RNF214: variants seen among roughly 807,000 people sequenced by gnomAD.
The protein encoded by RNF214 is ring finger protein 214.
In RNF214, 25 loss-of-function variants were observed where a neutral mutation model predicts 75.9. The observed-to-expected ratio is 0.33, with a 90% CI of 0.24 to 0.46. RNF214 has a LOEUF of 0.46. Ranked by LOEUF, RNF214 falls within the 20% of genes least tolerant of loss-of-function variation. The probability of loss-of-function intolerance (pLI) is 1.00; values close to 1 mark genes in which losing one functional copy is unlikely to be tolerated. For synonymous variants in RNF214, 314 were observed against 308.8 expected, an observed-to-expected ratio of 1.02 and a Z score of -0.18; for missense variants, 725 against 857.5, an observed-to-expected ratio of 0.85 and a Z score of 1.93.
intron 6 of RNF214, among the ~76,000 whole-genome samples, chr11:117,261,341 A>G (rs1388450782): frequency 6.6e-6 from 1 of 152,098 alleles, no homozygotes; most frequent in East Asian, 1.9e-4. Flanking sequence ...GCACTTTGGG[A>G]GGCCGAGGCG....
At chr11:117,269,035 T>G (rs1366075995) in intron 6 of RNF214, among the ~76,000 whole-genome samples, 1 of 152,190 alleles carries the variant, frequency 6.6e-6, no homozygotes, top group African/African-American at 2.4e-5. Flanking sequence ...AAAGTCCAGA[T>G]GCTTATATAC....
intron 5 of RNF214, among the ~76,000 whole-genome samples, chr11:117,246,192 C>T (rs1034645707): frequency 2.6e-5 from 4 of 151,634 alleles, no homozygotes; most frequent in African/African-American, 9.7e-5. Flanking sequence ...CTCGAACTCC[C>T]GGACACAGTG....
intron 14 of RNF214, among the ~76,000 whole-genome samples, chr11:117,284,356 A>C (rs1027611901): frequency 3.3e-5 from 5 of 152,228 alleles, no homozygotes; most frequent in Non-Finnish European, 7.3e-5. Context: ...CCCTCTTAAC[A>C]ACATTTTGTT....
Position 117,243,968 on chromosome 11 carries a change from C to T in RNF214, c.679-477C>T, listed in dbSNP as rs560126357. On this transcript the variant is annotated intron_variant, in intron 4 of 14. Transcript: ENST00000300650. Reference sequence around the variant, plus strand: ...TCCATCAGTTTTCAGTGTTGTTAACCAGTAAGGAATCATGTTCCCGGACGC... The same window carrying T: ...TCCATCAGTTTTCAGTGTTGTTAACTAGTAAGGAATCATGTTCCCGGACGC... 1.3e-4 allele frequency among the ~76,000 whole-genome samples: 20 copies of T among 152,252 alleles called. No individual in the cohort carries two copies. The South Asian group carries it at 3.9e-3, about 30-fold the overall frequency.
intron 4 of RNF214, 133 bp from the exon 5 acceptor site, chr11:117,244,312 A>G: frequency 1.5e-6 from 1 of 648,328 alleles, no homozygotes; most frequent in Non-Finnish European, 2.6e-6. Context: ...ATATAGCCAC[A>G]TATGGCTAGT....
chr11:117,247,220 C>T (rs973762213), intron 6 of RNF214, among the ~76,000 whole-genome samples: 2 of 152,040 alleles, frequency 1.3e-5, no homozygotes, highest in African/African-American at 4.8e-5. Context: ...CTGGACGTAG[C>T]GGCTCACACC....
chr11:117,280,119 C>A, intron 7 of RNF214, 52 bp from the exon 8 acceptor site: 4 of 1,521,250 alleles, frequency 2.6e-6, no homozygotes, highest in Middle Eastern at 1.7e-4. Context: ...CCTAGAGGTA[C>A]CTTTGTGTAT....
intron 6 of RNF214, among the ~76,000 whole-genome samples, chr11:117,261,396 A>G (rs948135898): frequency 2.0e-5 from 3 of 152,106 alleles, no homozygotes; most frequent in African/African-American, 7.2e-5. Flanking sequence ...CCTGGCCAAC[A>G]TGGTGAAATC....
At chr11:117,281,832 C>T in intron 10 of RNF214, 62 bp from the exon 11 acceptor site, 1 of 1,574,322 alleles carries the variant, frequency 6.4e-7, no homozygotes, top group South Asian at 1.2e-5. Flanking sequence ...ATGTCTTCTC[C>T]AGTTTCCTAA....
At chr11:117,243,511 T>TA (rs1444753696) in intron 4 of RNF214, among the ~76,000 whole-genome samples, 1 of 152,258 alleles carries the variant, frequency 6.6e-6, no homozygotes, top group Non-Finnish European at 1.5e-5. Context: ...AAATTTTTTT[T>TA]CTTTGAAAAT....
chr11:117,249,475 G>A, intron 6 of RNF214, among the ~76,000 whole-genome samples: 1 of 152,142 alleles, frequency 6.6e-6, no homozygotes, highest in Non-Finnish European at 1.5e-5. Flanking sequence ...CCGGAAGCAG[G>A]GGGAATGTCT....
chr11:117,257,643 G>T (rs2033555641), intron 6 of RNF214, among the ~76,000 whole-genome samples: 1 of 152,062 alleles, frequency 6.6e-6, no homozygotes, highest in Non-Finnish European at 1.5e-5. Flanking sequence ...AATAGAGAAG[G>T]GCTTAGTACT....
At position 117,279,974 on chromosome 11, in the gene RNF214, G is replaced by A. The variant is rs2034094500; in HGVS notation, c.1026G>A (p.Met342Ile). Residue 342 changes from methionine (M) to isoleucine (I), a missense_variant, in exon 7 of 15, where the codon ATG becomes ATA. By Grantham distance (10) the Met-to-Ile change is conservative. Transcript: ENST00000300650. ...NQDGEINRNI[M>I]EETERAWKAE... ...ATGGCGAAATAAATAGGAACATTATGGAAGAGACTGAACGGGCCTGGAAGG... is the reference window on the plus strand; with the variant it reads ...ATGGCGAAATAAATAGGAACATTATAGAAGAGACTGAACGGGCCTGGAAGG... 1.2e-6 allele frequency: 2 copies of A among 1,613,462 alleles called. No homozygotes were observed. The highest frequency in any genetic ancestry group is 1.1e-5 in the South Asian group (1 of 90,788).
chr11:117,267,415 A>G (rs1333074559), intron 6 of RNF214, among the ~76,000 whole-genome samples: 1 of 152,116 alleles, frequency 6.6e-6, no homozygotes, highest in Non-Finnish European at 1.5e-5. Context: ...AGTAAGGGTC[A>G]GGGTTCATTT....
chr11:117,246,333 G>A (rs1412088413), intron 5 of RNF214, among the ~76,000 whole-genome samples: 1 of 151,712 alleles, frequency 6.6e-6, no homozygotes, highest in African/African-American at 2.4e-5. Flanking sequence ...GTGTATATGT[G>A]TGTGTGTATA....
intron 13 of RNF214, 80 bp from the exon 14 acceptor site, chr11:117,283,035 G>A: frequency 5.5e-6 from 6 of 1,083,938 alleles, no homozygotes; most frequent in Non-Finnish European, 8.3e-6. Flanking sequence ...AAATCTTTTT[G>A]CTGCATGGAA....
intron 6 of RNF214, among the ~76,000 whole-genome samples, chr11:117,262,288 C>T (rs2033684091): frequency 6.6e-6 from 1 of 151,916 alleles, no homozygotes; most frequent in Admixed American, 6.6e-5. Flanking sequence ...AGGGTTTCAC[C>T]ATGTTGGCCA....
chr11:117,277,506 A>C (rs931712552), intron 6 of RNF214, among the ~76,000 whole-genome samples: 5 of 152,222 alleles, frequency 3.3e-5, no homozygotes, highest in South Asian at 2.1e-4. Context: ...ACACACACAC[A>C]CCCTCTCTAC....
At chr11:117,233,749 A>G (rs756825834) in intron 1 of RNF214, among the ~76,000 whole-genome samples, 13 of 152,222 alleles carry the variant, frequency 8.5e-5, no homozygotes, top group Non-Finnish European at 1.8e-4. Flanking sequence ...CGCTGACAGT[A>G]AAATATGCAC....
Sources: allele counts gnomAD v4.1 joint callset (sites outside exome capture counted in the v4.1 genomes callset), GRCh38; gene constraint gnomAD v4.1.1; transcripts MANE v1.5; gene names NCBI Gene and HGNC (gene_info 2026-07-23, HGNC 2026-07-21).